The following NPC1 variants were observed in gnomAD, a reference collection of about 807,000 sequenced individuals.
The protein encoded by NPC1 is NPC intracellular cholesterol transporter 1.
NPC1 carries 85 observed loss-of-function variants against 140.4 expected under a neutral mutation model. The ratio of observed to expected loss-of-function variants is 0.61; its 90% CI spans 0.51 to 0.72. The LOEUF (loss-of-function observed/expected upper bound fraction) is 0.72. Among genes scored for constraint, NPC1 ranks in the 30% least tolerant of loss-of-function variants. The pLI is 0.00. For missense variants in NPC1, 1,504 were observed against 1,623.8 expected (o/e 0.93, Z 1.27); for synonymous variants, 656 against 624.8 (o/e 1.05, Z -0.74).
intron 10 of NPC1, among the ~76,000 whole-genome samples, chr18:23,550,289 G>A (rs1052676063): frequency 6.6e-6 from 1 of 151,890 alleles, no homozygotes; most frequent in Non-Finnish European, 1.5e-5. Flanking sequence ...GGGATTACAG[G>A]CATGAATAAC....
intron 24 of NPC1, among the ~76,000 whole-genome samples, chr18:23,532,708 T>TTTG (rs997583107): frequency 1.5e-4 from 23 of 151,480 alleles, no homozygotes; most frequent in Non-Finnish European, 2.7e-4. Flanking sequence ...TTTTTTTTTT[T>TTTG]TTTTCTTAAA....
At chr18:23,519,312 G>A, downstream of NPC1, 7 of 704,212 alleles carry the variant, frequency 9.9e-6, no homozygotes, top group Middle Eastern at 4.0e-4. Flanking sequence ...GAGCCCAGGA[G>A]TTCGAGACCA....
chr18:23,529,478 G>A, downstream of NPC1: 1 of 1,244,384 alleles, frequency 8.0e-7, no homozygotes, highest in Non-Finnish European at 1.1e-6. Context: ...AAGCATAATT[G>A]TTGACGGGTG....
chr18:23,518,963 C>T (rs1469394649), downstream of NPC1: 1 of 1,614,194 alleles, frequency 6.2e-7, no homozygotes, highest in South Asian at 1.1e-5. Context: ...GGAGGTGGTC[C>T]TCTATCATCT....
At chr18:23,508,351 G>A (rs2057765122) in intron 3 of NPC1, among the ~76,000 whole-genome samples, 1 of 152,190 alleles carries the variant, frequency 6.6e-6, no homozygotes, top group South Asian at 2.1e-4. Flanking sequence ...CAGCACATCT[G>A]GGTCTGGGCC....
chr18:23,569,054 G>C (rs1200424000), intron 3 of NPC1, 56 bp from the exon 4 acceptor site: 1 of 1,225,138 alleles, frequency 8.2e-7, no homozygotes, highest in Non-Finnish European at 1.2e-6. Flanking sequence ...GGGCCAGCAA[G>C]AACGATTTTA....
chr18:23,536,604 A>C (rs1187204643), intron 21 of NPC1, 69 bp downstream of exon 21: 18 of 1,387,780 alleles, frequency 1.3e-5, no homozygotes, highest in Non-Finnish European at 1.7e-5. Flanking sequence ...TGCCAAGGGA[A>C]CCCTCCCCAC....
chr18:23,575,342 A>T (rs1279757161), intron 1 of NPC1, among the ~76,000 whole-genome samples: 1 of 152,140 alleles, frequency 6.6e-6, no homozygotes, highest in African/African-American at 2.4e-5. Flanking sequence ...TTGGTGGAAG[A>T]GGGGTGGGTG....
At chr18:23,550,479 CTTTTTTTT>C (rs68163205) in intron 10 of NPC1, among the ~76,000 whole-genome samples, 20 of 74,922 alleles carry the variant, frequency 2.7e-4, no homozygotes, top group African/African-American at 1.1e-3. Flanking sequence ...TCTTACATTT[CTTTTTTTT>C]TTTTTTTTTT....
intron 3 of NPC1, among the ~76,000 whole-genome samples, chr18:23,512,904 C>T (rs2057900796): frequency 6.6e-6 from 1 of 152,110 alleles, no homozygotes; most frequent in African/African-American, 2.4e-5. Flanking sequence ...CTCCCCTTAT[C>T]CCTTCCCTGC....
At chr18:23,565,501 G>A (rs777220251) in intron 4 of NPC1, among the ~76,000 whole-genome samples, 1 of 152,018 alleles carries the variant, frequency 6.6e-6, no homozygotes, top group Non-Finnish European at 1.5e-5. Flanking sequence ...CATTACAAGC[G>A]AGCGCCACCA....
At chr18:23,550,392 A>G (rs2058851054) in intron 10 of NPC1, among the ~76,000 whole-genome samples, 1 of 147,224 alleles carries the variant, frequency 6.8e-6, no homozygotes, top group Admixed American at 6.8e-5. Flanking sequence ...CGGGCTTCTG[A>G]GTTTTGTGTC....
intron 20 of NPC1, 60 bp downstream of exon 20, chr18:23,538,482 G>C (rs1472746566): frequency 1.2e-6 from 2 of 1,605,344 alleles, no homozygotes; most frequent in Non-Finnish European, 8.5e-7. Flanking sequence ...TCCTCTCCTA[G>C]TTTTCTACTG....
downstream of NPC1, chr18:23,519,221 C>T (rs1420843968): frequency 1.3e-6 from 2 of 1,562,294 alleles, no homozygotes; most frequent in Admixed American, 1.7e-5. Flanking sequence ...GCTTAAAAGC[C>T]TTGTGAAAAT....
At chr18:23,554,085 C>T (rs1340389512) in intron 9 of NPC1, among the ~76,000 whole-genome samples, 1 of 152,206 alleles carries the variant, frequency 6.6e-6, no homozygotes, top group African/African-American at 2.4e-5. Context: ...CTCAATCACA[C>T]ACCACGAGAG....
intron 11 of NPC1, among the ~76,000 whole-genome samples, 154 bp from the exon 12 acceptor site, chr18:23,545,303 C>T (rs896728570): frequency 3.9e-5 from 6 of 152,182 alleles, no homozygotes; most frequent in Admixed American, 6.5e-5. Context: ...AGTGCAATGG[C>T]GCAATCTCAG....
At position 23,539,887 on chromosome 18, in the gene NPC1, T is replaced by C. The variant is rs761963640; in HGVS notation, c.2719A>G (p.Met907Val). 8 of 1,614,078 alleles carry C rather than the reference T, an allele frequency of 5.0e-6. No homozygotes were observed. In the Admixed American group the frequency reaches 5.0e-5, roughly 10 times the overall value. ...TTGCAGCCCATGCCGCCGCACACCA[T>C]GTTCTGCCCCTTGGAAGAAGTGTAG... ...HDYTSSKGQN[M>V]VCGGMGCNND... is the part of the protein sequence containing the mutation. The change falls in exon 18 of 25, where the codon ATG (methionine) becomes GTG (valine). Residue 907 changes from methionine (M) to valine (V), a missense_variant. Coordinates refer to ENST00000269228, the MANE Select transcript of NPC1 (RefSeq NM_000271.5).
chr18:23,576,357 G>A (rs1428644055), intron 1 of NPC1: 3 of 400,710 alleles, frequency 7.5e-6, no homozygotes, highest in South Asian at 1.0e-4. Context: ...AGGAGGTTGA[G>A]GCTGCAGTGA....
At chr18:23,520,030 A>G (rs534751424), downstream of NPC1, among the ~76,000 whole-genome samples, 18 of 152,320 alleles carry the variant, frequency 1.2e-4, no homozygotes, top group South Asian at 6.2e-4. Flanking sequence ...AAAATATTAA[A>G]AGAGAGTTGT....
Sources: allele counts gnomAD v4.1 joint callset (sites outside exome capture counted in the v4.1 genomes callset), GRCh38; gene constraint gnomAD v4.1.1; transcripts MANE v1.5; gene names NCBI Gene and HGNC (gene_info 2026-07-23, HGNC 2026-07-21).